The following FAM53A variants were observed in gnomAD, a reference collection of about 807,000 sequenced individuals.
FAM53A encodes the protein family with sequence similarity 53 member A, also known as protein FAM53A.
Under a neutral mutation model 26.6 loss-of-function variants are expected in FAM53A, and 28 were observed. That is an observed-to-expected ratio of 1.05 (90% CI 0.78 to 1.45). The LOEUF is 1.45. Among genes scored for constraint, FAM53A ranks in the 40% most tolerant of loss-of-function variants. The pLI is 0.00. For synonymous variants in FAM53A, 290 were observed against 253.1 expected (o/e 1.15, Z -1.38); for missense variants, 650 against 575.8 (o/e 1.13, Z -1.32).
chr4:1,657,804 ATT>A (rs772674665), intron 2 of FAM53A, among the ~76,000 whole-genome samples: 57 of 149,592 alleles, frequency 3.8e-4, no homozygotes, highest in Admixed American at 6.0e-4. Flanking sequence ...CGCCCGGTTA[ATT>A]TTTTTTGTAT....
downstream of FAM53A, among the ~76,000 whole-genome samples, chr4:1,638,323 G>GGACCC (rs377109066): frequency 1.1e-3 from 162 of 152,200 alleles, no homozygotes; most frequent in African/African-American, 3.7e-3. Flanking sequence ...GGCAGACAGG[G>GGACCC]GACCCAAGGG....
At chr4:1,681,730 T>C (rs1205535046) in intron 1 of FAM53A, among the ~76,000 whole-genome samples, 5 of 151,642 alleles carry the variant, frequency 3.3e-5, no homozygotes, top group African/African-American at 1.2e-4. Context: ...CTCCAACTCC[T>C]GGGCTCAAGT....
chr4:1,587,645 C>G, the FAM53A span, among the ~76,000 whole-genome samples: 1 of 152,164 alleles, frequency 6.6e-6, no homozygotes, highest in South Asian at 2.1e-4. Context: ...GCACTCCAGC[C>G]TAGGTGACAG....
At chr4:1,671,889 A>G (rs1430931149) in intron 1 of FAM53A, among the ~76,000 whole-genome samples, 1 of 152,228 alleles carries the variant, frequency 6.6e-6, no homozygotes, top group Non-Finnish European at 1.5e-5. Context: ...CAGGCCTCAC[A>G]GTCTGTATAG....
intron 1 of FAM53A, among the ~76,000 whole-genome samples, chr4:1,671,781 AC>A (rs1448293629): frequency 6.6e-6 from 1 of 152,250 alleles, no homozygotes. Context: ...CACCTTCCAA[AC>A]CCTCCTGATT....
chr4:1,605,698 G>A, the FAM53A span, among the ~76,000 whole-genome samples: 71,908 of 151,740 alleles, frequency 0.47, 17,923 homozygotes, highest in Admixed American at 0.55. The surrounding 1 kb of genome is among the most constrained non-coding windows in gnomAD (Gnocchi z 5.7). Flanking sequence ...CTCTGCCCAC[G>A]TCCTGCACTC....
chr4:1,600,105 A>G, the FAM53A span, among the ~76,000 whole-genome samples: 1 of 152,060 alleles, frequency 6.6e-6, no homozygotes, highest in African/African-American at 2.4e-5. Context: ...TCCCCTCGCC[A>G]GAGTCCAGGC....
At chr4:1,646,806 G>A (rs1314695598) in intron 4 of FAM53A, among the ~76,000 whole-genome samples, 1 of 152,134 alleles carries the variant, frequency 6.6e-6, no homozygotes, top group African/African-American at 2.4e-5. Flanking sequence ...CCAGCTGCAG[G>A]GCCACATAGG....
At chr4:1,678,591 G>A (rs1715197964) in intron 1 of FAM53A, among the ~76,000 whole-genome samples, 1 of 152,208 alleles carries the variant, frequency 6.6e-6, no homozygotes, top group Admixed American at 6.5e-5. Context: ...GGAGCCCGAG[G>A]TGGGTGGATC....
rs192513194 is a variant in FAM53A, at chr4:1,656,137, G to A, written c.137-414C>T. Among the ~76,000 whole-genome samples, 382 of 152,288 alleles carry A rather than the reference G, an allele frequency of 2.5e-3. 2 individuals carry two copies. The highest frequency in any genetic ancestry group is 0.01 in the Middle Eastern group (3 of 294). On this transcript the variant is annotated intron_variant, in intron 3 of 4. Coordinates refer to ENST00000308132, the MANE Select transcript of FAM53A (RefSeq NM_001174070.3). ...CTCTCCAGGGCCCCTTCTTAAAGCA[G>A]CTCAGGTCCCTTAGTAACATGGGCA...
At chr4:1,600,349 C>T in the FAM53A span, among the ~76,000 whole-genome samples, 6,394 of 152,184 alleles carry the variant, frequency 0.042, 441 homozygotes, top group African/African-American at 0.14. Flanking sequence ...CAGGTGGACA[C>T]GGCAGTTCCC....
intron 1 of FAM53A, among the ~76,000 whole-genome samples, chr4:1,622,266 G>A (rs1239823819): frequency 6.6e-6 from 1 of 152,230 alleles, no homozygotes; most frequent in African/African-American, 2.4e-5. Context: ...CAGCGTGACG[G>A]TCAGAGTGCA....
downstream of FAM53A, among the ~76,000 whole-genome samples, chr4:1,636,801 A>C (rs1448237770): frequency 6.6e-6 from 1 of 152,198 alleles, no homozygotes; most frequent in Non-Finnish European, 1.5e-5. Flanking sequence ...CGGGGCTAGC[A>C]TGGGGCCCAG....
chr4:1,588,356 T>C, the FAM53A span, among the ~76,000 whole-genome samples: 17 of 152,240 alleles, frequency 1.1e-4, no homozygotes, highest in African/African-American at 3.9e-4. Context: ...TGGAGCTTAA[T>C]TCCACTCGCT....
chr4:1,644,181 C>T (rs1712020042), intron 4 of FAM53A: 1 of 1,535,558 alleles, frequency 6.5e-7, no homozygotes, highest in Non-Finnish European at 8.7e-7. Context: ...GGCGGGGACG[C>T]TACGCACCTT....
intron 2 of FAM53A, among the ~76,000 whole-genome samples, chr4:1,667,898 C>T (rs898110984): frequency 6.6e-6 from 1 of 152,124 alleles, no homozygotes; most frequent in Non-Finnish European, 1.5e-5. Flanking sequence ...GAAGGTGGCA[C>T]ATCCAAAGTT....
At position 1,641,750 on chromosome 4, in the gene FAM53A, C is replaced by T. The variant is rs1330507823; in HGVS notation, c.883-143G>A. ...AAAGCAGGGGCCTTGGTCCCCTGTA[C>T]ACCAGCCACAGCTCTCAGAGCCCCT... On this transcript the variant is annotated intron_variant, in intron 4 of 4. Transcript: ENST00000308132. 6.3e-6 allele frequency: 5 copies of T among 797,728 alleles called. No homozygotes were observed. In the African/African-American group the frequency reaches 7.0e-5, roughly 11 times the overall value. The allele number at this position is 797,728 out of a possible 1,614,324, so 49.4% of individuals were successfully genotyped here.
chr4:1,583,378 A>G, the FAM53A span, among the ~76,000 whole-genome samples: 2 of 152,260 alleles, frequency 1.3e-5, no homozygotes. Flanking sequence ...TAGACCCAGC[A>G]CAGGCCTAAG....
intron 1 of FAM53A, among the ~76,000 whole-genome samples, chr4:1,628,022 G>A (rs1410134226): frequency 1.4e-5 from 2 of 140,372 alleles, no homozygotes; most frequent in African/African-American, 2.7e-5. Context: ...ATGCACCTGG[G>A]TGGGGAGGGT....
Sources: allele counts gnomAD v4.1 joint callset (sites outside exome capture counted in the v4.1 genomes callset), GRCh38; gene constraint gnomAD v4.1.1; non-coding constraint Gnocchi (gnomAD v3.1); transcripts MANE v1.5; gene names NCBI Gene and HGNC (gene_info 2026-07-23, HGNC 2026-07-21).